Variants in GRIK1 observed in about 807,000 individuals in gnomAD.
GRIK1 encodes the protein glutamate ionotropic receptor kainate type subunit 1, also known as glutamate receptor ionotropic, kainate 1.
GRIK1 carries 69 observed loss-of-function variants against 105.7 expected under a neutral mutation model. That is an observed-to-expected ratio of 0.65 (90% confidence interval 0.54 to 0.80). The LOEUF is 0.80. GRIK1 is among the 30% of genes least tolerant of loss of function. The probability of loss-of-function intolerance (pLI) is 0.00; values close to 1 mark genes in which losing one functional copy is unlikely to be tolerated. For missense variants in GRIK1, 1,109 were observed against 1,167.3 expected, an observed-to-expected ratio of 0.95 and a Z score of 0.73; for synonymous variants, 438 against 431.3, an observed-to-expected ratio of 1.02 and a Z score of -0.19.
chr21:29,620,844 A>C (rs1423698970), intron 7 of GRIK1, among the ~76,000 whole-genome samples: 1 of 141,738 alleles, frequency 7.1e-6, no homozygotes, highest in Non-Finnish European at 1.5e-5. Context: ...TAGTCATAAA[A>C]TATATATCAT....
chr21:29,623,255 G>A (rs1337535322), intron 7 of GRIK1, among the ~76,000 whole-genome samples: 1 of 152,128 alleles, frequency 6.6e-6, no homozygotes. Context: ...GAGATCTCAT[G>A]AGACTTATTC....
At chr21:29,564,389 C>T (rs1426756351) in intron 14 of GRIK1, among the ~76,000 whole-genome samples, 1 of 152,054 alleles carries the variant, frequency 6.6e-6, no homozygotes, top group South Asian at 2.1e-4. Flanking sequence ...CCTCGTGATC[C>T]GCCCGCCTCG....
At chr21:29,829,722 G>A (rs1471162691) in intron 1 of GRIK1, among the ~76,000 whole-genome samples, 1 of 152,124 alleles carries the variant, frequency 6.6e-6, no homozygotes, top group Non-Finnish European at 1.5e-5. Flanking sequence ...GCTACATGCT[G>A]TCAGATATGA....
chr21:29,806,585 T>A (rs770346585), intron 1 of GRIK1, among the ~76,000 whole-genome samples: 18 of 152,130 alleles, frequency 1.2e-4, no homozygotes, highest in Non-Finnish European at 2.1e-4. Flanking sequence ...GGGAGTATCA[T>A]CCATATTGAT....
chr21:29,854,951 G>T (rs1380117476), intron 1 of GRIK1, among the ~76,000 whole-genome samples: 2 of 152,194 alleles, frequency 1.3e-5, no homozygotes, highest in African/African-American at 4.8e-5. Context: ...ATAGAAAAAG[G>T]CCTCTTAAAA....
In GRIK1 at chr21:29,560,623, A is replaced by G. The variant is rs181974497; in HGVS notation, c.2356+1001T>C. 1.5e-3 allele frequency among the ~76,000 whole-genome samples: 184 copies of G among 126,080 alleles called. 4 individuals are homozygous for G. The highest frequency in any genetic ancestry group is 1.3e-4 in the Non-Finnish European group (8 of 62,498). The allele number at this position is 126,080 out of a possible 152,430, so 82.7% of individuals were successfully genotyped here. On this transcript the variant is annotated intron_variant, in intron 15 of 17. Coordinates refer to ENST00000327783, the MANE Select transcript of GRIK1 (RefSeq NM_001330994.2). ...TTCCTTCCTTCTTTCTTTTTTTGAGATGGAGTCTCGCTCTGTTGCCCAGGC... is the reference window on the plus strand; with the variant it reads ...TTCCTTCCTTCTTTCTTTTTTTGAGGTGGAGTCTCGCTCTGTTGCCCAGGC...
At chr21:29,766,924 TG>T (rs2065682195) in intron 1 of GRIK1, among the ~76,000 whole-genome samples, 2 of 152,258 alleles carry the variant, frequency 1.3e-5, no homozygotes, top group Non-Finnish European at 2.9e-5. Context: ...TGAAAGGCTC[TG>T]TTATGGGATT....
chr21:29,663,079 A>G (rs950905158), intron 4 of GRIK1, among the ~76,000 whole-genome samples: 1 of 152,214 alleles, frequency 6.6e-6, no homozygotes, highest in South Asian at 2.1e-4. Flanking sequence ...TTAATTGGAG[A>G]GGAAGTGTTA....
intron 14 of GRIK1, among the ~76,000 whole-genome samples, chr21:29,564,204 G>A (rs1313858231): frequency 1.3e-5 from 2 of 151,934 alleles, no homozygotes; most frequent in African/African-American, 2.4e-5. Context: ...CTGGAGTGCA[G>A]TGGCGCAATC....
chr21:29,565,831 T>A (rs1346684494), intron 14 of GRIK1, among the ~76,000 whole-genome samples: 1 of 152,154 alleles, frequency 6.6e-6, no homozygotes, highest in Admixed American at 6.5e-5. Flanking sequence ...CGTTCTACTC[T>A]CTAGACCAAC....
chr21:29,839,200 C>T (rs759154194), intron 1 of GRIK1, among the ~76,000 whole-genome samples: 1 of 152,080 alleles, frequency 6.6e-6, no homozygotes, highest in Non-Finnish European at 1.5e-5. Context: ...CAAGCACATG[C>T]CACCATGCTT....
At chr21:29,758,077 A>G (rs971548442) in intron 1 of GRIK1, among the ~76,000 whole-genome samples, 1 of 152,202 alleles carries the variant, frequency 6.6e-6, no homozygotes, top group African/African-American at 2.4e-5. Context: ...GAGATCTTCC[A>G]CCTTTCAGCT....
chr21:29,591,233 G>C lies in GRIK1; in HGVS notation c.1252-8C>G, dbSNP rs1405087178. The C allele has an allele frequency of 3.4e-6, 5 of 1,486,598 alleles. No individual in the cohort carries two copies. The East Asian group carries it at 9.0e-5, about 27-fold the overall frequency. 92.1% of individuals were successfully genotyped at this position (1,486,598 alleles called of 1,614,324 possible). ...GGAATTCCAAATCCCAATCTACACA[G>C]AACACAGTACATCAGAGGCTGCTGG... On this transcript the variant is annotated splice_region_variant and splice_polypyrimidine_tract_variant and intron_variant, in intron 9 of 17. Transcript: ENST00000327783.
chr21:29,855,236 T>C (rs113016724), intron 1 of GRIK1, among the ~76,000 whole-genome samples: 109 of 152,288 alleles, frequency 7.2e-4, no homozygotes, highest in African/African-American at 2.5e-3. Flanking sequence ...AGATATTTTA[T>C]TACGGAGTGA....
chr21:29,584,213 C>T (rs550769792), intron 12 of GRIK1, among the ~76,000 whole-genome samples: 15 of 150,548 alleles, frequency 1.0e-4, no homozygotes, highest in African/African-American at 3.7e-4. Context: ...GAGAAAAATC[C>T]ATTCATCTTT....
In GRIK1 at chr21:29,798,393, G is replaced by C. The variant is rs557922727; in HGVS notation, c.119-104330C>G. Among the ~76,000 whole-genome samples the C allele has an allele frequency of 5.9e-5, 9 of 152,306 alleles. 1 individual carries two copies. Among genetic ancestry groups the C allele is most frequent in the African/African-American group, 1.9e-4 (8 of 41,566 alleles). On this transcript the variant is annotated intron_variant, in intron 1 of 17. Transcript: ENST00000327783. ...ATTATCGTTCATTACTTTAATGTAA[G>C]TAGTGCTAAGTAGTTTAGCATAACT...
At chr21:29,855,231 T>A (rs556843956) in intron 1 of GRIK1, among the ~76,000 whole-genome samples, 1 of 152,190 alleles carries the variant, frequency 6.6e-6, no homozygotes, top group Non-Finnish European at 1.5e-5. Flanking sequence ...CATTGAGATA[T>A]TTTATTACGG....
intron 1 of GRIK1, among the ~76,000 whole-genome samples, chr21:29,912,800 T>C (rs2070864661): frequency 6.6e-6 from 1 of 152,030 alleles, no homozygotes; most frequent in Admixed American, 6.6e-5. Flanking sequence ...TACATTTTCT[T>C]AGAGAGGGTA....
intron 1 of GRIK1, among the ~76,000 whole-genome samples, chr21:29,924,408 A>G (rs1411621287): frequency 6.6e-6 from 1 of 152,054 alleles, no homozygotes; most frequent in Non-Finnish European, 1.5e-5. Flanking sequence ...ATGAACAGAT[A>G]TATATGCAGT....
Sources: allele counts gnomAD v4.1 joint callset (sites outside exome capture counted in the v4.1 genomes callset), GRCh38; gene constraint gnomAD v4.1.1; transcripts MANE v1.5; gene names NCBI Gene and HGNC (gene_info 2026-07-23, HGNC 2026-07-21).